AGBL1: variants seen among roughly 807,000 people sequenced by gnomAD.
AGBL1 encodes the protein cytosolic carboxypeptidase 4.
In AGBL1, 130 loss-of-function variants were observed where a neutral mutation model predicts 118.9. That is an observed-to-expected ratio of 1.09 (90% CI 0.95 to 1.26). The LOEUF is 1.26. AGBL1 is among the 50% of genes most tolerant of loss of function. The pLI, the probability that AGBL1 is intolerant of heterozygous loss-of-function variation, is 0.00. For missense variants in AGBL1, 1,584 were observed against 1,298.1 expected (o/e 1.22, Z -3.38); for synonymous variants, 555 against 478.9 (o/e 1.16, Z -2.08).
intron 22 of AGBL1, among the ~76,000 whole-genome samples, chr15:86,789,389 C>A (rs1054650488): frequency 6.6e-6 from 1 of 152,136 alleles, no homozygotes; most frequent in Admixed American, 6.5e-5. Flanking sequence ...TTCCCATCAC[C>A]GCAGCTTGTA....
intron 5 of AGBL1, among the ~76,000 whole-genome samples, chr15:86,184,075 A>G (rs1247483985): frequency 6.6e-6 from 1 of 152,232 alleles, no homozygotes; most frequent in Non-Finnish European, 1.5e-5. Flanking sequence ...ATAAAGTGTT[A>G]TAATGTCTTA....
intron 22 of AGBL1, among the ~76,000 whole-genome samples, chr15:86,878,298 A>G (rs543896570): frequency 6.6e-6 from 1 of 152,314 alleles, no homozygotes; most frequent in African/African-American, 2.4e-5. Context: ...GCTATCATTC[A>G]ACTCTGCCCT....
intron 18 of AGBL1, among the ~76,000 whole-genome samples, chr15:86,481,131 CA>C (rs61161857): frequency 0.19 from 24,965 of 133,326 alleles, 2,043 homozygotes; most frequent in South Asian, 0.29. Flanking sequence ...ACAATGAGAG[CA>C]AAAAAAAAAA....
intron 3 of AGBL1, among the ~76,000 whole-genome samples, chr15:86,148,858 T>C (rs2077067350): frequency 6.6e-6 from 1 of 152,058 alleles, no homozygotes; most frequent in African/African-American, 2.4e-5. Context: ...AAGGAAAAAG[T>C]GTTAAGGACA....
intron 22 of AGBL1, among the ~76,000 whole-genome samples, chr15:86,852,196 G>T (rs1400827428): frequency 1.3e-5 from 2 of 152,112 alleles, no homozygotes; most frequent in Non-Finnish European, 2.9e-5. Flanking sequence ...GGGGAAGCAG[G>T]CACCTTCTTC....
chr15:86,739,145 T>A (rs2077641702), intron 22 of AGBL1, among the ~76,000 whole-genome samples: 1 of 151,802 alleles, frequency 6.6e-6, no homozygotes, highest in Non-Finnish European at 1.5e-5. Flanking sequence ...AGACCCTGTT[T>A]CAAAAATGAA....
chr15:86,470,747 C>G (rs1373488304), intron 18 of AGBL1, among the ~76,000 whole-genome samples: 1 of 151,964 alleles, frequency 6.6e-6, no homozygotes, highest in East Asian at 1.9e-4. Flanking sequence ...ACACATCTTT[C>G]AGCTCAGTTA....
intron 22 of AGBL1, among the ~76,000 whole-genome samples, chr15:86,765,957 C>A (rs962068384): frequency 9.2e-5 from 14 of 151,844 alleles, no homozygotes; most frequent in African/African-American, 3.4e-4. Context: ...CTTAAAGTAC[C>A]TTTAGCTCTC....
chr15:86,215,310 G>A lies in AGBL1; in HGVS notation c.489-9604G>A, dbSNP rs567236662. Reference sequence around the variant, plus strand: ...TCCCTCTCAATTCAGGCAGGAGGCCGGCGCTGTAGCAGATGGTATTCTAAA... The same window carrying A: ...TCCCTCTCAATTCAGGCAGGAGGCCAGCGCTGTAGCAGATGGTATTCTAAA... On this transcript the variant is annotated intron_variant, in intron 5 of 22. Coordinates refer to ENST00000614907, the MANE Select transcript of AGBL1 (RefSeq NM_001386094.1). Among the ~76,000 whole-genome samples, 17 of 150,758 alleles carry A rather than the reference G, an allele frequency of 1.1e-4. No homozygotes were observed. In the East Asian group the frequency reaches 2.4e-3, roughly 21 times the overall value.
chr15:86,287,980 T>C (rs912741871), intron 16 of AGBL1, among the ~76,000 whole-genome samples: 4 of 152,182 alleles, frequency 2.6e-5, no homozygotes, highest in African/African-American at 9.6e-5. Context: ...TCATTTTCTT[T>C]AACTCAACAT....
At chr15:86,730,370 A>T (rs757170428) in intron 22 of AGBL1, among the ~76,000 whole-genome samples, 5 of 152,256 alleles carry the variant, frequency 3.3e-5, no homozygotes, top group African/African-American at 4.8e-5. Flanking sequence ...CAAAGATCTA[A>T]TATCCAGAAT....
At chr15:86,090,105 G>A (rs1220599704) in intron 1 of AGBL1, among the ~76,000 whole-genome samples, 1 of 152,112 alleles carries the variant, frequency 6.6e-6, no homozygotes, top group Non-Finnish European at 1.5e-5. Flanking sequence ...GGAATATATG[G>A]CTACTTTCCC....
intron 22 of AGBL1, among the ~76,000 whole-genome samples, chr15:86,686,629 A>C (rs1287471950): frequency 6.6e-6 from 1 of 151,814 alleles, no homozygotes; most frequent in Admixed American, 6.6e-5. Flanking sequence ...AGTAGATACA[A>C]GGTTTCACCA....
At chr15:86,124,631 C>T (rs1898305614) in intron 1 of AGBL1, among the ~76,000 whole-genome samples, 1 of 152,180 alleles carries the variant, frequency 6.6e-6, no homozygotes. Context: ...CTGATACTGA[C>T]CCATCAGGTG....
In AGBL1 at chr15:86,317,789, C is replaced by T. The variant is rs140502374; in HGVS notation, c.2374+22381C>T. Reference sequence around the variant, plus strand: ...AAAGCAGACATAGACAATAAATAAACAAATGGGTATAGTTGTGTTCCAATA... The same window carrying T: ...AAAGCAGACATAGACAATAAATAAATAAATGGGTATAGTTGTGTTCCAATA... On this transcript the variant is annotated intron_variant, in intron 17 of 22. Coordinates refer to ENST00000614907, the MANE Select transcript of AGBL1 (RefSeq NM_001386094.1). Among the ~76,000 whole-genome samples the T allele has an allele frequency of 4.2e-3, 635 of 152,168 alleles. 6 individuals are homozygous for T. Among genetic ancestry groups the T allele is most frequent in the African/African-American group, 0.014 (593 of 41,538 alleles).
At chr15:86,766,047 A>G (rs1042057215) in intron 22 of AGBL1, among the ~76,000 whole-genome samples, 14 of 152,000 alleles carry the variant, frequency 9.2e-5, no homozygotes, top group Admixed American at 6.6e-5. Context: ...AGTGTTTACT[A>G]TGTGCCCTGC....
chr15:86,113,602 C>T (rs1342126930), intron 1 of AGBL1, among the ~76,000 whole-genome samples: 4 of 152,070 alleles, frequency 2.6e-5, no homozygotes, highest in Admixed American at 2.6e-4. Flanking sequence ...TCACCTCTTT[C>T]ACCTGCCTTT....
chr15:86,929,846 T>C (rs939985661), intron 23 of AGBL1, among the ~76,000 whole-genome samples: 2 of 152,226 alleles, frequency 1.3e-5, no homozygotes, highest in African/African-American at 4.8e-5. Context: ...CAGATGAACA[T>C]ATTCACAGAT....
chr15:86,654,349 A>G (rs2085427476), intron 21 of AGBL1, among the ~76,000 whole-genome samples: 1 of 152,122 alleles, frequency 6.6e-6, no homozygotes, highest in African/African-American at 2.4e-5. Context: ...TTGAGTGTAG[A>G]AGCTTCCAAT....
Sources: allele counts gnomAD v4.1 joint callset (sites outside exome capture counted in the v4.1 genomes callset), GRCh38; gene constraint gnomAD v4.1.1; transcripts MANE v1.5; gene names NCBI Gene and HGNC (gene_info 2026-07-23, HGNC 2026-07-21).